Variants in RPIA observed in about 807,000 individuals in gnomAD.
The protein encoded by RPIA is ribose 5-phosphate isomerase A.
Under a neutral mutation model 37.8 loss-of-function variants are expected in RPIA, and 29 were observed. That is an observed-to-expected ratio of 0.77 (90% CI 0.57 to 1.05). The LOEUF (loss-of-function observed/expected upper bound fraction) is 1.05. Ranked by LOEUF, RPIA falls within the 50% of genes least tolerant of loss-of-function variation. The pLI is 0.00. For synonymous variants in RPIA, 167 were observed against 157.0 expected, an observed-to-expected ratio of 1.06 and a Z score of -0.48; for missense variants, 385 against 413.6, an observed-to-expected ratio of 0.93 and a Z score of 0.60.
At chr2:88,719,544 A>G (rs1673093756) in intron 3 of RPIA, among the ~76,000 whole-genome samples, 1 of 152,178 alleles carries the variant, frequency 6.6e-6, no homozygotes, top group Non-Finnish European at 1.5e-5. Flanking sequence ...TCAAATATCA[A>G]AGGTTTAAAA....
chr2:88,725,933 AG>A (rs1673191676), intron 3 of RPIA, among the ~76,000 whole-genome samples: 1 of 152,202 alleles, frequency 6.6e-6, no homozygotes, highest in African/African-American at 2.4e-5. Flanking sequence ...GTCATTGTAC[AG>A]GGGCCCAGAC....
intron 4 of RPIA, among the ~76,000 whole-genome samples, chr2:88,733,888 A>G (rs772780888): frequency 1.3e-5 from 2 of 152,170 alleles, no homozygotes; most frequent in East Asian, 1.9e-4. Flanking sequence ...TTGCCCCTCA[A>G]CTGCTTTTGG....
intron 3 of RPIA, among the ~76,000 whole-genome samples, chr2:88,700,751 C>T (rs984234723): frequency 8.5e-5 from 13 of 152,254 alleles, no homozygotes; most frequent in Middle Eastern, 3.4e-3. Flanking sequence ...GCAGTGGAGC[C>T]AGTTAAATAT....
intron 3 of RPIA, among the ~76,000 whole-genome samples, chr2:88,728,242 T>TA (rs1271733283): frequency 6.6e-6 from 1 of 152,212 alleles, no homozygotes; most frequent in African/African-American, 2.4e-5. Flanking sequence ...GTATATTTTT[T>TA]AGTTTGTTTG....
In RPIA at chr2:88,750,067, C is replaced by G. The variant is rs908562428; in HGVS notation, c.925C>G (p.Pro309Ala). ...TGGCTCAGTGAACATGAGGGAGAAG[C>G]CTTTCTGTTGACCCTGCAAGGAGCA... Reference protein sequence around the residue: ...QDGSVNMREKPFC With the variant: ...QDGSVNMREKAFC The change falls in exon 9 of 9, where the codon CCT (proline) becomes GCT (alanine). Residue 309 changes from proline to alanine, a missense_variant. Transcript: ENST00000283646. 1.9e-6 allele frequency: 3 copies of G among 1,611,268 alleles called. No homozygotes were observed. The highest frequency in any genetic ancestry group is 1.6e-4 in the Middle Eastern group (1 of 6,074).
intron 3 of RPIA, among the ~76,000 whole-genome samples, chr2:88,715,752 C>G (rs1673026971): frequency 1.3e-5 from 2 of 152,164 alleles, no homozygotes; most frequent in African/African-American, 4.8e-5. Context: ...CTTATTCCTG[C>G]ATTTACCGTT....
At chr2:88,698,404 A>G in intron 1 of RPIA, 80 bp from the exon 2 acceptor site, 1 of 1,235,836 alleles carries the variant, frequency 8.1e-7, no homozygotes. Context: ...TAATAATTTT[A>G]TAGCTTTAGG....
chr2:88,747,622 G>T (rs183291783), intron 8 of RPIA, among the ~76,000 whole-genome samples: 1 of 152,162 alleles, frequency 6.6e-6, no homozygotes, highest in Non-Finnish European at 1.5e-5. Flanking sequence ...TCAAGCTGGG[G>T]ACTGGAAGTG....
At chr2:88,705,763 AACAG>A (rs1431715353) in intron 3 of RPIA, among the ~76,000 whole-genome samples, 1 of 152,244 alleles carries the variant, frequency 6.6e-6, no homozygotes, top group Non-Finnish European at 1.5e-5. Flanking sequence ...CATCAGAGTG[AACAG>A]ACAGTCTACA....
chr2:88,750,008 A>G lies in RPIA; in HGVS notation c.866A>G (p.Asn289Ser), dbSNP rs540964815. The change falls in exon 9 of 9, where the codon AAC (asparagine) becomes AGC (serine). Residue 289 changes from asparagine (N) to serine (S), a missense_variant. By Grantham distance (46) the Asn-to-Ser change is conservative. Transcript: ENST00000283646. ...PGVVDTGLFI[N>S]MAERVYFGMQ... ...GTGGTGGACACAGGCCTATTCATCAACATGGCTGAGAGAGTCTACTTTGGG... is the reference window on the plus strand; with the variant it reads ...GTGGTGGACACAGGCCTATTCATCAGCATGGCTGAGAGAGTCTACTTTGGG... 54 of 1,613,434 alleles carry G rather than the reference A, an allele frequency of 3.3e-5. No homozygotes were observed. The South Asian group carries it at 4.3e-4, about 13-fold the overall frequency.
chr2:88,696,238 C>T (rs999405457), intron 1 of RPIA, among the ~76,000 whole-genome samples: 6 of 151,790 alleles, frequency 4.0e-5, no homozygotes, highest in Admixed American at 1.3e-4. Flanking sequence ...GATGTTTCAG[C>T]GAATTGAACT....
intron 8 of RPIA, among the ~76,000 whole-genome samples, chr2:88,738,693 T>C (rs1050567584): frequency 2.6e-5 from 4 of 152,206 alleles, no homozygotes; most frequent in African/African-American, 9.7e-5. Flanking sequence ...TTTGGGAGAA[T>C]GTGAGGATGT....
At position 88,692,111 on chromosome 2, in the gene RPIA, G is replaced by A. The variant is rs1398580300; in HGVS notation, c.285+128G>A. 1.5e-5 allele frequency: 18 copies of A among 1,200,816 alleles called. No homozygotes were observed. In the African/African-American group the frequency reaches 1.8e-4, roughly 12 times the overall value. The allele number at this position is 1,200,816 out of a possible 1,614,324, so 74.4% of individuals were successfully genotyped here. ...GCGGGAGCTGAGTGAGAGGGTAGAG[G>A]GTGTGCACTTTACCCGAGTTTAGAC... is the stretch of plus-strand genomic sequence containing the variant. On this transcript the variant is annotated intron_variant, in intron 1 of 8. Coordinates refer to ENST00000283646, the MANE Select transcript of RPIA (RefSeq NM_144563.3).
intron 3 of RPIA, among the ~76,000 whole-genome samples, chr2:88,709,048 G>T (rs960737064): frequency 6.6e-6 from 1 of 152,186 alleles, no homozygotes; most frequent in Non-Finnish European, 1.5e-5. Context: ...GAGCCACCGC[G>T]CCCGGCCAGC....
At chr2:88,728,738 C>T (rs773823034) in intron 3 of RPIA, among the ~76,000 whole-genome samples, 6 of 152,194 alleles carry the variant, frequency 3.9e-5, no homozygotes, top group Non-Finnish European at 8.8e-5. Context: ...CATCCTAAAT[C>T]TCTCCCAGTC....
Position 88,750,676 on chromosome 2 carries a change from T to C in RPIA, c.*598T>C, listed in dbSNP as rs935279533. ...GGAATGTAAGCTGTCAGGGAGAAAA[T>C]GTTGTTACACTTTTGCTAAGATCTG... On this transcript the variant is annotated 3_prime_UTR_variant, in exon 9 of 9. Transcript: ENST00000283646. The C allele has an allele frequency of 5.5e-5, 20 of 365,956 alleles. No homozygotes were observed. The highest frequency in any genetic ancestry group is 8.0e-5 in the Non-Finnish European group (17 of 211,648). The allele number at this position is 365,956 out of a possible 1,614,324, so 22.7% of individuals were successfully genotyped here. A position where few individuals can be genotyped will look rare whatever the true frequency, so the allele number is the denominator to read the frequency against.
At chr2:88,737,206 G>A (rs747413503) in intron 7 of RPIA, among the ~76,000 whole-genome samples, 14 of 152,084 alleles carry the variant, frequency 9.2e-5, no homozygotes, top group African/African-American at 2.9e-4. Context: ...AGTGGATTGC[G>A]CATAACTTTT....
At chr2:88,739,908 C>A (rs1334081903) in intron 8 of RPIA, among the ~76,000 whole-genome samples, 1 of 152,060 alleles carries the variant, frequency 6.6e-6, no homozygotes, top group Non-Finnish European at 1.5e-5. Context: ...TGTGCCTGGC[C>A]CCAATTCTAC....
At chr2:88,749,116 T>A (rs948067134) in intron 8 of RPIA, among the ~76,000 whole-genome samples, 13 of 152,222 alleles carry the variant, frequency 8.5e-5, no homozygotes, top group African/African-American at 2.9e-4. Context: ...CTTACACATG[T>A]CTTTTGATGA....
Sources: gnomAD v4.1 joint callset for allele counts (sites outside exome capture counted in the v4.1 genomes callset) on GRCh38, gnomAD v4.1.1 for gene constraint, MANE v1.5 for transcripts, NCBI Gene and HGNC (gene_info 2026-07-23, HGNC 2026-07-21) for gene names.